ZNF462: variants seen among roughly 807,000 people sequenced by gnomAD.
ZNF462 encodes zinc finger PBX1-interacting protein.
Under a neutral mutation model 201.9 loss-of-function variants are expected in ZNF462, and 10 were observed. The observed-to-expected ratio is 0.05, with a 90% CI of 0.03 to 0.08. The LOEUF is 0.08. Ranked by LOEUF, ZNF462 falls within the 10% of genes least tolerant of loss-of-function variation. The pLI is 1.00. For synonymous variants in ZNF462, 1,227 were observed against 1,193.3 expected, an observed-to-expected ratio of 1.03 and a Z score of -0.58; for missense variants, 2,523 against 3,168.3, an observed-to-expected ratio of 0.80 and a Z score of 4.89.
Position 106,922,179 on chromosome 9 carries a change from A to T in ZNF462, c.-30-1175A>T, listed in dbSNP as rs543639044. On this transcript the variant is annotated intron_variant, in intron 1 of 12. Coordinates refer to ENST00000277225, the MANE Select transcript of ZNF462 (RefSeq NM_021224.6). ...CATAAAATACATTGGCTACGGTGTT[A>T]GTTCTTGGACATCTGGTTCTAGATT... Among the ~76,000 whole-genome samples the T allele has an allele frequency of 1.3e-4, 20 of 152,354 alleles. No individual in the cohort carries two copies. The South Asian group carries it at 4.1e-3, about 32-fold the overall frequency.
At position 106,938,469 on chromosome 9, in the gene ZNF462, A is replaced by C. The variant is rs534965317; in HGVS notation, c.6236-447A>C. ...GCTTGCACTGAATGACTTTGTGATT[A>C]AAAAGCCACTAATAGATCTTTGGAA... On this transcript the variant is annotated intron_variant, in intron 6 of 12. Coordinates refer to ENST00000277225, the MANE Select transcript of ZNF462 (RefSeq NM_021224.6). This position sits in a 1 kb window ranked among gnomAD's most constrained non-coding sequence, Gnocchi z 4.4. Among the ~76,000 whole-genome samples the C allele has an allele frequency of 1.3e-5, 2 of 152,354 alleles. No homozygotes were observed. Among genetic ancestry groups the C allele is most frequent in the South Asian group, 4.1e-4 (2 of 4,832 alleles).
Position 107,006,648 on chromosome 9 carries a change from T to G in ZNF462, c.7190-2897T>G, listed in dbSNP as rs1447538121. Among the ~76,000 whole-genome samples the G allele has an allele frequency of 9.2e-5, 14 of 152,122 alleles. No homozygotes were observed. Among genetic ancestry groups the G allele is most frequent in the Non-Finnish European group, 1.3e-4 (9 of 68,012 alleles). Reference sequence around the variant, plus strand: ...GGCTACTTCCCTCCAAGGTGTTCCCTGTTCCTTTTCCTGACTTGCACTCAC... The same window carrying G: ...GGCTACTTCCCTCCAAGGTGTTCCCGGTTCCTTTTCCTGACTTGCACTCAC... On this transcript the variant is annotated intron_variant, in intron 11 of 12. Coordinates refer to ENST00000277225, the MANE Select transcript of ZNF462 (RefSeq NM_021224.6). This position sits in a 1 kb window ranked among gnomAD's most constrained non-coding sequence, Gnocchi z 4.3.
chr9:106,952,553 C>T (rs1156621435), intron 7 of ZNF462, among the ~76,000 whole-genome samples: 1 of 152,088 alleles, frequency 6.6e-6, no homozygotes, highest in Non-Finnish European at 1.5e-5. Context: ...TAATCTGGAG[C>T]CTTGTTGATA....
chr9:107,013,462 A>C lies in ZNF462; in HGVS notation c.*2432A>C, dbSNP rs1362066980. ...AAAATGATAACCTATTGACTCCAGT[A>C]ATCAGTGTTTCCCAATACTTCATAA... On this transcript the variant is annotated 3_prime_UTR_variant, in exon 13 of 13. Transcript: ENST00000277225. 1 of 152,318 alleles carries C rather than the reference A, an allele frequency of 6.6e-6. No individual in the cohort carries two copies. The highest frequency in any genetic ancestry group is 1.9e-4 in the East Asian group (1 of 5,186). 9.4% of individuals were successfully genotyped at this position (152,318 alleles called of 1,614,324 possible).
rs747442030 is a variant in ZNF462, at chr9:106,968,665, G to T, written c.6428-3340G>T. ...TGTAGATACCACTGGCCATACAGGTGTTAAAGATCTAACTTGTGTGAGCCG... is the reference window on the plus strand; with the variant it reads ...TGTAGATACCACTGGCCATACAGGTTTTAAAGATCTAACTTGTGTGAGCCG... On this transcript the variant is annotated intron_variant, in intron 7 of 12. Transcript: ENST00000277225. The surrounding 1 kb of genome is among the most constrained non-coding windows in gnomAD (Gnocchi z 4.0). Among the ~76,000 whole-genome samples, 9 of 152,120 alleles carry T rather than the reference G, an allele frequency of 5.9e-5. No individual in the cohort carries two copies. Among genetic ancestry groups the T allele is most frequent in the Non-Finnish European group, 2.9e-5 (2 of 68,026 alleles).
chr9:106,904,232 T>A (rs1829174537), intron 1 of ZNF462, among the ~76,000 whole-genome samples: 2 of 152,210 alleles, frequency 1.3e-5, no homozygotes, highest in African/African-American at 4.8e-5. Context: ...ATAATTGTTT[T>A]GTTTGAGGAG....
chr9:106,871,999 C>T (rs757066105), intron 1 of ZNF462, among the ~76,000 whole-genome samples: 7 of 152,218 alleles, frequency 4.6e-5, no homozygotes, highest in Non-Finnish European at 8.8e-5. Flanking sequence ...CCAAGCGTCA[C>T]AGGCTGGTCT....
rs775938683 is a variant in ZNF462 at position 107,010,776 on chromosome 9, A to AAT, written c.7314-39_7314-38dup. ...TATTATTTTTTTGTTTAAAAAGAGA[A>AAT]ATATATATACTATACTCATCTGTCT... On this transcript the variant is annotated intron_variant, in intron 12 of 12. Coordinates refer to ENST00000277225, the MANE Select transcript of ZNF462 (RefSeq NM_021224.6). The surrounding 1 kb of genome is among the most constrained non-coding windows in gnomAD (Gnocchi z 4.6). The AAT allele has an allele frequency of 4.0e-6, 6 of 1,481,558 alleles. No homozygotes were observed. Among genetic ancestry groups the AAT allele is most frequent in the Non-Finnish European group, 5.4e-6 (6 of 1,107,242 alleles). The allele number at this position is 1,481,558 out of a possible 1,614,324, so 91.8% of individuals were successfully genotyped here.
intron 1 of ZNF462, among the ~76,000 whole-genome samples, chr9:106,881,364 A>G (rs1245719307): frequency 2.0e-5 from 3 of 151,836 alleles, no homozygotes; most frequent in Admixed American, 1.3e-4. Flanking sequence ...GCCATGGTGT[A>G]TAGTGGAAAG....
At chr9:106,959,921 T>C (rs940011273) in intron 7 of ZNF462, among the ~76,000 whole-genome samples, 3 of 151,986 alleles carry the variant, frequency 2.0e-5, no homozygotes, top group Admixed American at 2.0e-4. Flanking sequence ...GGAGGAGCTA[T>C]CCTAAGGGAA....
At chr9:106,896,917 C>T (rs1022526044) in intron 1 of ZNF462, among the ~76,000 whole-genome samples, 1 of 152,188 alleles carries the variant, frequency 6.6e-6, no homozygotes, top group Non-Finnish European at 1.5e-5. Context: ...AGTATTTAAA[C>T]ACCAAAGTGA....
chr9:106,861,364 G>A (rs1827061836), upstream of ZNF462, among the ~76,000 whole-genome samples: 1 of 152,018 alleles, frequency 6.6e-6, no homozygotes, highest in African/African-American at 2.4e-5. Flanking sequence ...ATATCTTCTC[G>A]GACTGTTGCT....
rs1017935561 is a variant in ZNF462 at position 106,870,454 on chromosome 9, T to C, written c.-31+7099T>C. ...CTTACCCCCAACCTTATTCAAAGAG[T>C]AGACCCTGTTCTTTAGGGTGAAAGG... On this transcript the variant is annotated intron_variant, in intron 1 of 12. Transcript: ENST00000277225. The surrounding 1 kb of genome is among the most constrained non-coding windows in gnomAD (Gnocchi z 4.3). Among the ~76,000 whole-genome samples the C allele has an allele frequency of 5.3e-5, 8 of 152,180 alleles. No homozygotes were observed. Among genetic ancestry groups the C allele is most frequent in the African/African-American group, 1.9e-4 (8 of 41,454 alleles).
chr9:106,967,768 G>A (rs1479074573), intron 7 of ZNF462, among the ~76,000 whole-genome samples: 5 of 152,114 alleles, frequency 3.3e-5, no homozygotes, highest in African/African-American at 1.2e-4. Flanking sequence ...CCAGTTCTGG[G>A]TATTTGCAGG....
chr9:106,888,624 T>C (rs1328163456), intron 1 of ZNF462, among the ~76,000 whole-genome samples: 1 of 152,192 alleles, frequency 6.6e-6, no homozygotes, highest in Non-Finnish European at 1.5e-5. Context: ...GATAGCTCCG[T>C]ATATGCAGTG....
rs1285966336 is a variant in ZNF462 at position 107,011,009 on chromosome 9, T to C, written c.7500T>C (p.Asn2500=). The change falls in exon 13 of 13, where the codon AAT becomes AAC. Residue 2500 remains asparagine, a synonymous_variant. Coordinates refer to ENST00000277225, the MANE Select transcript of ZNF462 (RefSeq NM_021224.6). This position sits in a 1 kb window ranked among gnomAD's most constrained non-coding sequence, Gnocchi z 5.6. ...VVTADKSLLE[N]AEAKKE is the part of the protein sequence containing the mutation. ...CTGCCGACAAATCTCTCCTGGAGAA[T>C]GCAGAGGCCAAAAAAGAATGAGCGT... The C allele has an allele frequency of 1.2e-6, 2 of 1,613,376 alleles. No individual in the cohort carries two copies. The highest frequency in any genetic ancestry group is 1.7e-6 in the Non-Finnish European group (2 of 1,179,848).
At position 106,935,354 on chromosome 9, in the gene ZNF462, A is replaced by G; in HGVS notation, c.6117-149A>G. The G allele has an allele frequency of 1.6e-6, 1 of 618,500 alleles. No individual in the cohort carries two copies. Among genetic ancestry groups the G allele is most frequent in the South Asian group, 2.2e-5 (1 of 46,046 alleles). The allele number at this position is 618,500 out of a possible 1,614,324, so 38.3% of individuals were successfully genotyped here. The stretch of plus-strand genomic sequence containing the variant: ...TAGGTACAACTCTTGAAAATTAATT[A>G]ATTAAATTGATAAATGCCATTATTG... On this transcript the variant is annotated intron_variant, in intron 5 of 12. Coordinates refer to ENST00000277225, the MANE Select transcript of ZNF462 (RefSeq NM_021224.6). The surrounding 1 kb of genome is among the most constrained non-coding windows in gnomAD (Gnocchi z 4.1).
Position 106,927,734 on chromosome 9 carries a change from C to T in ZNF462, c.3822C>T (p.Ser1274=), listed in dbSNP as rs776539847. The part of the protein sequence containing the change: ...ALKCRQCSYT[S]PYFYALRKHI... ...AATGTAGGCAGTGCTCATATACCTC[C>T]CCCTACTTCTATGCACTGAGGAAGC... is the stretch of plus-strand genomic sequence containing the variant. Residue 1274 remains serine, a synonymous_variant, in exon 3 of 13, where the codon TCC becomes TCT. Transcript: ENST00000277225. 3.1e-6 allele frequency: 5 copies of T among 1,614,098 alleles called. No homozygotes were observed. The highest frequency in any genetic ancestry group is 1.1e-5 in the South Asian group (1 of 91,070).
chr9:106,927,767 G>C lies in ZNF462; in HGVS notation c.3855G>C (p.Lys1285Asn). The part of the protein sequence containing the change: ...PYFYALRKHI[K>N]KDHPALKATV... ...TCTATGCACTGAGGAAGCATATCAA[G>C]AAAGACCACCCCGCCCTGAAAGCCA... Residue 1285 changes from lysine (K) to asparagine (N), a missense_variant, in exon 3 of 13, where the codon AAG becomes AAC. By Grantham distance (94) the Lys-to-Asn change is moderately conservative (BLOSUM62 0). Around this residue, in one of 15 missense-constraint regions of ZNF462, gnomAD observed 222 missense variants for 271.6 expected, o/e 0.82. Transcript: ENST00000277225. 6.2e-7 allele frequency: 1 copy of C among 1,614,072 alleles called. No individual in the cohort carries two copies. Among genetic ancestry groups the C allele is most frequent in the Non-Finnish European group, 8.5e-7 (1 of 1,180,032 alleles).
Sources: allele counts gnomAD v4.1 joint callset (sites outside exome capture counted in the v4.1 genomes callset), GRCh38; gene constraint gnomAD v4.1.1; regional missense constraint gnomAD v4.1.1; non-coding constraint Gnocchi (gnomAD v3.1); transcripts MANE v1.5; gene names NCBI Gene and HGNC (gene_info 2026-07-23, HGNC 2026-07-21).